Variants in KIAA0319 observed in about 807,000 individuals in gnomAD.
KIAA0319 encodes KIAA0319.
A neutral mutation model predicts 108.4 loss-of-function variants in KIAA0319; 83 were observed. That is an observed-to-expected ratio of 0.77 (90% CI 0.64 to 0.92). KIAA0319 has a LOEUF of 0.92. Among genes scored for constraint, KIAA0319 ranks in the 40% least tolerant of loss-of-function variants. The probability of loss-of-function intolerance (pLI) is 0.00; values close to 1 mark genes in which losing one functional copy is unlikely to be tolerated. For missense variants in KIAA0319, 1,195 were observed against 1,322.4 expected (o/e 0.90, Z 1.49); for synonymous variants, 484 against 510.4 (o/e 0.95, Z 0.70).
At chr6:24,637,370 G>A (rs1230236756) in intron 1 of KIAA0319, among the ~76,000 whole-genome samples, 1 of 152,146 alleles carries the variant, frequency 6.6e-6, no homozygotes, top group Non-Finnish European at 1.5e-5. Context: ...AAACAAGGGC[G>A]ACTTTTCAAG....
At chr6:24,612,128 C>T (rs1009623942) in intron 1 of KIAA0319, among the ~76,000 whole-genome samples, 2 of 151,912 alleles carry the variant, frequency 1.3e-5, no homozygotes, top group Non-Finnish European at 2.9e-5. Flanking sequence ...CAGTGAGATG[C>T]CATTTTTTAC....
At chr6:24,567,107 G>A (rs182480658) in intron 13 of KIAA0319, among the ~76,000 whole-genome samples, 1 of 152,064 alleles carries the variant, frequency 6.6e-6, no homozygotes, top group Non-Finnish European at 1.5e-5. Context: ...TATACTTTGG[G>A]TCATTTTGTA....
chr6:24,578,271 T>C (rs73727992), intron 8 of KIAA0319, 29 bp from the exon 9 acceptor site: 6 of 1,507,660 alleles, frequency 4.0e-6, no homozygotes, highest in South Asian at 3.6e-5. Context: ...AAGACAAGAA[T>C]GAAATACAAG....
intron 13 of KIAA0319, 83 bp from the exon 14 acceptor site, chr6:24,566,831 A>C: frequency 7.7e-7 from 1 of 1,292,562 alleles, no homozygotes; most frequent in Non-Finnish European, 1.1e-6. Context: ...AAACATCCAC[A>C]ACTCTTCCAC....
chr6:24,640,149 TACTA>T (rs1308741056), intron 1 of KIAA0319, among the ~76,000 whole-genome samples: 1 of 152,174 alleles, frequency 6.6e-6, no homozygotes, highest in Non-Finnish European at 1.5e-5. Context: ...TGTGTAATGT[TACTA>T]ACTTTCAATT....
rs147236924 is a variant in KIAA0319, at chr6:24,596,622, T to C, written c.56-4A>G. ...CTGCACTGCTTACGGGCACAACCTT[T>C]AAACAAAGTAGTTTCTAATGAGGGA... On this transcript the variant is annotated splice_polypyrimidine_tract_variant and splice_region_variant and intron_variant, in intron 2 of 20. Transcript: ENST00000378214. The C allele has an allele frequency of 6.1e-5, 97 of 1,589,556 alleles. No individual in the cohort carries two copies. In the East Asian group the frequency reaches 2.2e-3, roughly 36 times the overall value.
In KIAA0319 at chr6:24,595,945, A is replaced by G. The variant is rs746884367; in HGVS notation, c.729T>C (p.Ser243=). ...SVLLPLPTTP[S]SGEVLEKEKA... ...TTTCTTTCTCCAACACCTCTCCTGA[A>G]GATGGAGTAGTCGGCAAGGGAAGCA... The change falls in exon 3 of 21, where the codon TCT becomes TCC. Residue 243 remains serine (S), a synonymous_variant. Transcript: ENST00000378214. 2.0e-5 allele frequency: 32 copies of G among 1,614,038 alleles called. No individual in the cohort carries two copies. The highest frequency in any genetic ancestry group is 2.7e-5 in the Non-Finnish European group (32 of 1,180,030).
intron 18 of KIAA0319, 117 bp downstream of exon 18, chr6:24,556,490 G>T: frequency 1.8e-6 from 2 of 1,123,588 alleles, no homozygotes; most frequent in Admixed American, 2.3e-5. Flanking sequence ...TTTTGTAAAG[G>T]TGAAGTCTCA....
chr6:24,598,325 T>C (rs1770061751), intron 2 of KIAA0319: 1 of 677,678 alleles, frequency 1.5e-6, no homozygotes, highest in Non-Finnish European at 2.7e-6. Flanking sequence ...ATCAAGACCA[T>C]CAACAACAAG....
chr6:24,548,693 TG>T (rs1329726994), intron 20 of KIAA0319, among the ~76,000 whole-genome samples: 1 of 152,144 alleles, frequency 6.6e-6, no homozygotes, highest in Non-Finnish European at 1.5e-5. Context: ...AGAAAAAAAC[TG>T]GTTTGTTTGG....
At chr6:24,632,363 C>T (rs1181592621) in intron 1 of KIAA0319, among the ~76,000 whole-genome samples, 1 of 149,646 alleles carries the variant, frequency 6.7e-6, no homozygotes, top group Non-Finnish European at 1.5e-5. Context: ...CTAGCTGAAT[C>T]GGTTGAAGCT....
intron 19 of KIAA0319, among the ~76,000 whole-genome samples, chr6:24,553,518 CT>C (rs897384273): frequency 2.0e-5 from 3 of 151,888 alleles, no homozygotes; most frequent in Non-Finnish European, 4.4e-5. Flanking sequence ...AAGCAAGAAA[CT>C]TCCCCTGCCT....
rs550491204 is a variant in KIAA0319 at position 24,564,251 on chromosome 6, G to A, written c.2382C>T (p.Asp794=). 5 of 1,614,130 alleles carry A rather than the reference G, an allele frequency of 3.1e-6. No homozygotes were observed. In the Admixed American group the frequency reaches 5.0e-5, roughly 16 times the overall value. ...TGTCTGTGTCCGAGGCCCCCTGACT[G>A]TCGGTGACTCGCAAGTGGAAAGTGT... ...GVYTFHLRVT[D]SQGASDTDTA... The change falls in exon 15 of 21, where the codon GAC becomes GAT. Residue 794 remains aspartate (D), a synonymous_variant. Transcript: ENST00000378214.
At chr6:24,633,947 T>G (rs1775891023) in intron 1 of KIAA0319, among the ~76,000 whole-genome samples, 1 of 151,748 alleles carries the variant, frequency 6.6e-6, no homozygotes, top group Non-Finnish European at 1.5e-5. Context: ...AAACAAAAAA[T>G]TAATGTGAAT....
intron 1 of KIAA0319, among the ~76,000 whole-genome samples, chr6:24,612,947 C>T (rs1401939035): frequency 1.3e-5 from 2 of 152,166 alleles, no homozygotes; most frequent in African/African-American, 2.4e-5. Context: ...TACAGGCGCC[C>T]GCCACCACGC....
At chr6:24,638,788 C>G (rs997809522) in intron 1 of KIAA0319, among the ~76,000 whole-genome samples, 4 of 151,630 alleles carry the variant, frequency 2.6e-5, no homozygotes, top group African/African-American at 9.7e-5. Context: ...TAGAAAGAGG[C>G]AAGATGTGAA....
intron 1 of KIAA0319, among the ~76,000 whole-genome samples, chr6:24,619,801 T>G (rs897311024): frequency 6.6e-6 from 1 of 152,164 alleles, no homozygotes; most frequent in Non-Finnish European, 1.5e-5. Context: ...GGGAGAAACT[T>G]AAAATAAAAC....
intron 2 of KIAA0319, chr6:24,600,648 G>C (rs1422118262): frequency 2.0e-6 from 3 of 1,534,258 alleles, no homozygotes; most frequent in Non-Finnish European, 2.6e-6. Flanking sequence ...TCTAGTCATG[G>C]GTCTTCTTAA....
intron 1 of KIAA0319, among the ~76,000 whole-genome samples, chr6:24,636,950 T>C (rs2127594523): frequency 6.6e-6 from 1 of 152,360 alleles, no homozygotes; most frequent in Middle Eastern, 3.4e-3. Flanking sequence ...GAGCAAACTA[T>C]CTACTCCATG....
Sources: allele counts gnomAD v4.1 joint callset (sites outside exome capture counted in the v4.1 genomes callset), GRCh38; gene constraint gnomAD v4.1.1; transcripts MANE v1.5; gene names NCBI Gene and HGNC (gene_info 2026-07-23, HGNC 2026-07-21).